KIF16B: variants seen among roughly 807,000 people sequenced by gnomAD.
KIF16B encodes kinesin-like protein KIF16B.
A neutral mutation model predicts 156.3 loss-of-function variants in KIF16B; 98 were observed. The observed-to-expected ratio is 0.63, with a 90% CI of 0.53 to 0.74. The LOEUF (loss-of-function observed/expected upper bound fraction) is 0.74, where lower values mean the gene tolerates loss of function less well. KIF16B is among the 30% of genes least tolerant of loss of function. The pLI is 0.00. For synonymous variants in KIF16B, 564 were observed against 583.7 expected, an observed-to-expected ratio of 0.97 and a Z score of 0.49; for missense variants, 1,421 against 1,606.5, an observed-to-expected ratio of 0.88 and a Z score of 1.97.
rs1180976487 is a variant in KIF16B at position 16,506,003 on chromosome 20, G to A, written c.868+19C>T. 4 of 1,613,394 alleles carry A rather than the reference G, an allele frequency of 2.5e-6. No individual in the cohort carries two copies. Among genetic ancestry groups the A allele is most frequent in the Non-Finnish European group, 2.5e-6 (3 of 1,179,380 alleles). Reference sequence around the variant, plus strand: ...AAAGAGGAGGAAACAGAGGAGGCAGGAGCCAGGCGTAAGCATACCTAAGGC... The same window carrying A: ...AAAGAGGAGGAAACAGAGGAGGCAGAAGCCAGGCGTAAGCATACCTAAGGC... On this transcript the variant is annotated intron_variant, in intron 8 of 25. Coordinates refer to ENST00000354981, the MANE Select transcript of KIF16B (RefSeq NM_024704.5).
chr20:16,433,613 TCACACA>T (rs368183791), intron 12 of KIF16B, among the ~76,000 whole-genome samples: 1 of 149,378 alleles, frequency 6.7e-6, no homozygotes, highest in African/African-American at 2.5e-5. Context: ...ACACACACAC[TCACACA>T]CACACACACT....
At chr20:16,525,506 C>G (rs1045112692) in intron 3 of KIF16B, among the ~76,000 whole-genome samples, 1 of 152,044 alleles carries the variant, frequency 6.6e-6, no homozygotes, top group Non-Finnish European at 1.5e-5. Context: ...TTTGGGGGCA[C>G]CTTTGTGTCT....
intron 22 of KIF16B, among the ~76,000 whole-genome samples, chr20:16,357,724 A>C (rs2064471638): frequency 6.6e-6 from 1 of 152,158 alleles, no homozygotes; most frequent in Non-Finnish European, 1.5e-5. Context: ...AGGACATATA[A>C]TTTGTTTCAG....
At chr20:16,389,328 T>A (rs539903405) in intron 17 of KIF16B, among the ~76,000 whole-genome samples, 2 of 152,174 alleles carry the variant, frequency 1.3e-5, no homozygotes, top group Non-Finnish European at 2.9e-5. Flanking sequence ...CAACTTTCAA[T>A]ATGTACTGAA....
At chr20:16,549,262 T>C (rs1402164915) in intron 1 of KIF16B, among the ~76,000 whole-genome samples, 1 of 146,404 alleles carries the variant, frequency 6.8e-6, no homozygotes, top group African/African-American at 2.5e-5. Context: ...CATTGTTCAA[T>C]TCCCACCTAT....
chr20:16,534,484 T>C (rs185817498), intron 1 of KIF16B, among the ~76,000 whole-genome samples: 2 of 152,332 alleles, frequency 1.3e-5, no homozygotes, highest in Non-Finnish European at 2.9e-5. Flanking sequence ...TCTTCACTGT[T>C]TCTTTTGCTG....
chr20:16,275,890 C>A (rs1234306184), intron 25 of KIF16B, among the ~76,000 whole-genome samples: 1 of 152,214 alleles, frequency 6.6e-6, no homozygotes. Flanking sequence ...ACTCAACCAG[C>A]CAATGCTCGC....
At chr20:16,549,155 G>A (rs1674586943) in intron 1 of KIF16B, among the ~76,000 whole-genome samples, 1 of 149,004 alleles carries the variant, frequency 6.7e-6, no homozygotes, top group South Asian at 2.1e-4. Flanking sequence ...TCGTCATCTA[G>A]CATTAGGTAT....
intron 1 of KIF16B, among the ~76,000 whole-genome samples, chr20:16,548,756 T>G (rs894605287): frequency 1.3e-5 from 2 of 152,156 alleles, no homozygotes; most frequent in African/African-American, 4.8e-5. Context: ...TCCAGATTCC[T>G]GGCTATTTCC....
rs182895067 is a variant in KIF16B at position 16,489,736 on chromosome 20, C to T, written c.1302+4555G>A. 1.7e-3 allele frequency among the ~76,000 whole-genome samples: 245 copies of T among 145,480 alleles called. 1 individual carries two copies. The highest frequency in any genetic ancestry group is 6.1e-3 in the African/African-American group (221 of 36,106). On this transcript the variant is annotated intron_variant, in intron 12 of 25. Transcript: ENST00000354981. ...AATTCAGCACTCAAACTTGAAGGTA[C>T]AGACCCGTCCCCTGGGGATCTTATA...
At chr20:16,307,624 C>T (rs60041954) in intron 25 of KIF16B, among the ~76,000 whole-genome samples, 18,358 of 152,168 alleles carry the variant, frequency 0.12, 1,484 homozygotes, top group East Asian at 0.32. Flanking sequence ...ACTTTTACTG[C>T]AATTTAACTA....
intron 12 of KIF16B, among the ~76,000 whole-genome samples, chr20:16,432,930 T>G (rs1304267282): frequency 6.6e-6 from 1 of 152,186 alleles, no homozygotes; most frequent in South Asian, 2.1e-4. Context: ...TCCCATTCCA[T>G]GGCTCAGAAC....
In KIF16B at chr20:16,272,369, T is replaced by C. The variant is rs570410034; in HGVS notation, c.*884A>G. On this transcript the variant is annotated 3_prime_UTR_variant, in exon 26 of 26. Transcript: ENST00000354981. ...CAATGCTACATTAAGTCCTGAGTAA[T>C]TTAAGGTATCATTAATAAACTGCTA... The C allele has an allele frequency of 5.9e-5, 9 of 152,722 alleles. No individual in the cohort carries two copies. In the East Asian group the frequency reaches 1.7e-3, roughly 29 times the overall value. 9.5% of individuals were successfully genotyped at this position (152,722 alleles called of 1,614,324 possible). A position where few individuals can be genotyped will look rare whatever the true frequency, so the allele number is the denominator to read the frequency against.
chr20:16,424,310 C>T (rs2066300325), intron 15 of KIF16B, among the ~76,000 whole-genome samples: 1 of 152,066 alleles, frequency 6.6e-6, no homozygotes, highest in Non-Finnish European at 1.5e-5. Flanking sequence ...CAGGTTGGCG[C>T]TCCATCGCAG....
intron 1 of KIF16B, among the ~76,000 whole-genome samples, chr20:16,561,353 T>C (rs977537608): frequency 6.6e-6 from 1 of 152,218 alleles, no homozygotes; most frequent in Admixed American, 6.5e-5. Flanking sequence ...AATGTCTTAC[T>C]GTGGATCTTG....
In KIF16B at chr20:16,504,418, C is replaced by A. The variant is rs182061575; in HGVS notation, c.1130G>T (p.Arg377Leu). 16 of 1,613,924 alleles carry A rather than the reference C, an allele frequency of 9.9e-6. No homozygotes were observed. Among genetic ancestry groups the A allele is most frequent in the Non-Finnish European group, 1.4e-5 (16 of 1,179,986 alleles). Residue 377 changes from arginine (R) to leucine (L), a missense_variant, in exon 10 of 26, where the codon CGA (arginine) becomes CTA (leucine). Physicochemically the swap from Arg to Leu is moderately radical, Grantham distance 102 (BLOSUM62 -2). Coordinates refer to ENST00000354981, the MANE Select transcript of KIF16B (RefSeq NM_024704.5). ...DANVKLIREL[R>L]AEIARLKTLL... is the part of the protein sequence containing the mutation. ...CGTTTTCAGTCTGGCTATTTCAGCT[C>A]GCAGCTCACGGATAAGTTTGACGTT...
In KIF16B at chr20:16,318,679, G is replaced by A. The variant is rs190393981; in HGVS notation, c.3712-6261C>T. On this transcript the variant is annotated intron_variant, in intron 24 of 25. Coordinates refer to ENST00000354981, the MANE Select transcript of KIF16B (RefSeq NM_024704.5). Reference sequence around the variant, plus strand: ...AGAATAACTGAATAAATAAATAAATGGGGGATTCAGATTCACTTTGAAAAA... The same window carrying A: ...AGAATAACTGAATAAATAAATAAATAGGGGATTCAGATTCACTTTGAAAAA... 3.1e-3 allele frequency among the ~76,000 whole-genome samples: 467 copies of A among 152,276 alleles called. 3 individuals are homozygous for A. Among genetic ancestry groups the A allele is most frequent in the Non-Finnish European group, 3.6e-3 (246 of 68,022 alleles).
At chr20:16,455,425 G>C (rs1203646169) in intron 12 of KIF16B, among the ~76,000 whole-genome samples, 1 of 151,752 alleles carries the variant, frequency 6.6e-6, no homozygotes, top group African/African-American at 2.4e-5. Context: ...TCAGAGGACT[G>C]ACATGGACTC....
intron 17 of KIF16B, among the ~76,000 whole-genome samples, chr20:16,388,156 G>A (rs913033517): frequency 4.6e-5 from 7 of 152,124 alleles, no homozygotes; most frequent in Non-Finnish European, 8.8e-5. Context: ...AAAAAATGCC[G>A]TAAAGATGTT....
Sources: allele counts gnomAD v4.1 joint callset (sites outside exome capture counted in the v4.1 genomes callset), GRCh38; gene constraint gnomAD v4.1.1; transcripts MANE v1.5; gene names NCBI Gene and HGNC (gene_info 2026-07-23, HGNC 2026-07-21).